Variants in HIVEP1 observed in about 807,000 individuals in gnomAD.
HIVEP1 encodes HIVEP zinc finger 1, also known as zinc finger protein 40.
In HIVEP1, 36 loss-of-function variants were observed where a neutral mutation model predicts 180.0. The observed-to-expected ratio is 0.20, with a 90% CI of 0.15 to 0.26. The LOEUF (loss-of-function observed/expected upper bound fraction) is 0.26. Among genes scored for constraint, HIVEP1 ranks in the 10% least tolerant of loss-of-function variants. The pLI, the probability that HIVEP1 is intolerant of heterozygous loss-of-function variation, is 1.00. For synonymous variants in HIVEP1, 1,239 were observed against 1,239.0 expected (o/e 1.00, Z 0.00); for missense variants, 3,143 against 3,268.7 (o/e 0.96, Z 0.94).
At chr6:12,174,897 G>T in the HIVEP1 span, among the ~76,000 whole-genome samples, 2 of 152,134 alleles carry the variant, frequency 1.3e-5, no homozygotes, top group Non-Finnish European at 2.9e-5. Flanking sequence ...TAATTTAAGT[G>T]ATTTGTAAAT....
chr6:12,147,617 G>T (rs1759454367), intron 7 of HIVEP1, among the ~76,000 whole-genome samples: 1 of 152,038 alleles, frequency 6.6e-6, no homozygotes, highest in Non-Finnish European at 1.5e-5. Flanking sequence ...TTAAGTGGAT[G>T]ATCCCATTCA....
downstream of HIVEP1, among the ~76,000 whole-genome samples, chr6:12,165,331 A>G (rs1760672472): frequency 6.6e-6 from 1 of 152,120 alleles, no homozygotes; most frequent in South Asian, 2.1e-4. Flanking sequence ...CATGAGTTAA[A>G]CCCCATTGTC....
intron 7 of HIVEP1, among the ~76,000 whole-genome samples, chr6:12,153,414 T>G (rs1268854965): frequency 1.3e-5 from 2 of 152,134 alleles, no homozygotes; most frequent in African/African-American, 4.8e-5. Context: ...TAAATCATTC[T>G]CTGAGAAAAA....
At chr6:12,108,948 C>G (rs1279051324) in intron 3 of HIVEP1, among the ~76,000 whole-genome samples, 2 of 152,192 alleles carry the variant, frequency 1.3e-5, no homozygotes. Context: ...ATGCTGTCAC[C>G]TCTCATTGCC....
At position 12,161,941 on chromosome 6, in the gene HIVEP1, G is replaced by T; in HGVS notation, c.6978+12G>T. On this transcript the variant is annotated intron_variant, in intron 8 of 8. Transcript: ENST00000379388. ...TTGCTATAACACAGGTAAATGATTG[G>T]CAGTTGTTCTTTTATTTCTTTTTTC... 7.0e-6 allele frequency: 11 copies of T among 1,578,380 alleles called. No homozygotes were observed. Among genetic ancestry groups the T allele is most frequent in the Non-Finnish European group, 9.5e-6 (11 of 1,161,028 alleles).
intron 2 of HIVEP1, among the ~76,000 whole-genome samples, chr6:12,025,054 C>T (rs1035543588): frequency 7.2e-5 from 11 of 152,196 alleles, no homozygotes; most frequent in Non-Finnish European, 1.6e-4. Context: ...CTACAGCTAC[C>T]TGAGACAGGT....
intron 1 of HIVEP1, among the ~76,000 whole-genome samples, chr6:12,013,007 C>T (rs1360334855): frequency 8.3e-6 from 1 of 121,012 alleles, no homozygotes; most frequent in African/African-American, 3.1e-5. Context: ...GGGAAGGGGG[C>T]GGTGGGTTGG....
At chr6:12,205,094 C>T in the HIVEP1 span, among the ~76,000 whole-genome samples, 3 of 152,096 alleles carry the variant, frequency 2.0e-5, no homozygotes, top group East Asian at 1.9e-4. Context: ...ACACAGCTGG[C>T]AGGGGTGATG....
chr6:12,088,217 G>A (rs538031904), intron 2 of HIVEP1, among the ~76,000 whole-genome samples: 3 of 152,114 alleles, frequency 2.0e-5, no homozygotes, highest in East Asian at 1.9e-4. Context: ...AGTGAGCAGC[G>A]GTAGGGTCAG....
chr6:12,122,426 T>C lies in HIVEP1; in HGVS notation c.2631T>C (p.Asp877=). The change falls in exon 4 of 9, where the codon GAT becomes GAC. Residue 877 remains aspartate (D), a synonymous_variant. Transcript: ENST00000379388. ...ACAAAATTGGCGCTTTCTATGATGA[T>C]GTCTTTGTATCGGGACCTAACGCTC... The part of the protein sequence containing the change: ...FDDKIGAFYD[D]VFVSGPNAPV... The C allele has an allele frequency of 1.2e-6, 2 of 1,614,216 alleles. No homozygotes were observed. The highest frequency in any genetic ancestry group is 1.7e-6 in the Non-Finnish European group (2 of 1,180,028).
chr6:12,115,377 T>TTTTTTTTTA (rs398000485), intron 3 of HIVEP1, among the ~76,000 whole-genome samples: 1 of 125,652 alleles, frequency 8.0e-6, no homozygotes, highest in African/African-American at 2.9e-5. Flanking sequence ...TTTTTTTTTT[T>TTTTTTTTTA]AACAAAGTGG....
intron 3 of HIVEP1, among the ~76,000 whole-genome samples, chr6:12,116,421 G>A (rs936202643): frequency 2.6e-5 from 4 of 151,956 alleles, no homozygotes; most frequent in African/African-American, 4.8e-5. Context: ...TGTATGGAGA[G>A]GCAGGCACCT....
At chr6:12,081,879 C>T (rs1230503838) in intron 2 of HIVEP1, among the ~76,000 whole-genome samples, 6 of 152,124 alleles carry the variant, frequency 3.9e-5, no homozygotes, top group Non-Finnish European at 5.9e-5. Flanking sequence ...CAGCCCACTT[C>T]CCTCCAGGCT....
intron 3 of HIVEP1, among the ~76,000 whole-genome samples, chr6:12,115,874 G>T (rs551362958): frequency 1.3e-5 from 2 of 151,774 alleles, no homozygotes; most frequent in African/African-American, 2.4e-5. Context: ...GGTGGGGTTG[G>T]TGGGGAGTGA....
chr6:12,070,475 G>T (rs1026561234), intron 2 of HIVEP1, among the ~76,000 whole-genome samples: 1 of 152,228 alleles, frequency 6.6e-6, no homozygotes, highest in Non-Finnish European at 1.5e-5. Flanking sequence ...ATCACTTGGG[G>T]TTAGGAGTTC....
chr6:12,068,640 G>T (rs1013002555), intron 2 of HIVEP1, among the ~76,000 whole-genome samples: 3 of 152,096 alleles, frequency 2.0e-5, no homozygotes, highest in Non-Finnish European at 4.4e-5. Flanking sequence ...TATTTGTGAA[G>T]ATATATGTGT....
chr6:12,064,650 T>C (rs1771450536), intron 2 of HIVEP1, among the ~76,000 whole-genome samples: 1 of 152,158 alleles, frequency 6.6e-6, no homozygotes. Context: ...TTCTTAGGTC[T>C]AGCCCAAGAG....
chr6:12,155,141 A>G (rs1759954556), intron 7 of HIVEP1, among the ~76,000 whole-genome samples: 1 of 152,220 alleles, frequency 6.6e-6, no homozygotes, highest in Admixed American at 6.5e-5. Context: ...CCACTGCATT[A>G]GTTACATCCC....
chr6:12,094,508 T>C (rs1265294830), intron 3 of HIVEP1, among the ~76,000 whole-genome samples: 1 of 152,028 alleles, frequency 6.6e-6, no homozygotes, highest in South Asian at 2.1e-4. Flanking sequence ...ATTTTTTATT[T>C]GTTGAAATTA....
Sources: allele counts gnomAD v4.1 joint callset (sites outside exome capture counted in the v4.1 genomes callset), GRCh38; gene constraint gnomAD v4.1.1; transcripts MANE v1.5; gene names NCBI Gene and HGNC (gene_info 2026-07-23, HGNC 2026-07-21).